MCCC2: variants seen among roughly 807,000 people sequenced by gnomAD.
MCCC2 encodes methylcrotonoyl-CoA carboxylase beta chain, mitochondrial.
MCCC2 carries 52 observed loss-of-function variants against 77.2 expected under a neutral mutation model. That is an observed-to-expected ratio of 0.67 (90% CI 0.54 to 0.85). The LOEUF is 0.85. Ranked by LOEUF, MCCC2 falls within the 40% of genes least tolerant of loss-of-function variation. MCCC2 has a pLI of 0.00. For synonymous variants in MCCC2, 253 were observed against 248.4 expected, an observed-to-expected ratio of 1.02 and a Z score of -0.18; for missense variants, 682 against 703.2, an observed-to-expected ratio of 0.97 and a Z score of 0.34.
intron 4 of MCCC2, among the ~76,000 whole-genome samples, chr5:71,601,276 TCTAA>T (rs979652102): frequency 4.3e-4 from 66 of 152,304 alleles, no homozygotes; most frequent in African/African-American, 1.5e-3. Context: ...AGAATTTCAG[TCTAA>T]CTTTGTCTGA....
In MCCC2 at chr5:71,658,695, A is replaced by G. The variant is rs1392310969; in HGVS notation, c.*1835A>G. 2.0e-5 allele frequency: 3 copies of G among 152,206 alleles called. No homozygotes were observed. The highest frequency in any genetic ancestry group is 2.9e-5 in the Non-Finnish European group (2 of 68,038). 9.4% of individuals were successfully genotyped at this position (152,206 alleles called of 1,614,324 possible). ...ATCAAATGTTTTCCTAATAAAGTCA[A>G]TATTTCAAACATTTGTGTGTGATAT... On this transcript the variant is annotated 3_prime_UTR_variant, in exon 17 of 17. Coordinates refer to ENST00000340941, the MANE Select transcript of MCCC2 (RefSeq NM_022132.5).
chr5:71,598,732 A>T (rs943670054), intron 3 of MCCC2, among the ~76,000 whole-genome samples: 2 of 150,286 alleles, frequency 1.3e-5, no homozygotes, highest in African/African-American at 4.9e-5. Context: ...CTGAGATTAC[A>T]GGCATGAGCC....
intron 6 of MCCC2, among the ~76,000 whole-genome samples, chr5:71,614,885 AG>A (rs1330776975): frequency 1.3e-5 from 2 of 152,248 alleles, no homozygotes; most frequent in African/African-American, 4.8e-5. Flanking sequence ...AAACAAAAAA[AG>A]AACACTAAAA....
rs375301124 is a variant in MCCC2 at position 71,630,928 on chromosome 5, A to C, written c.739-1193A>C. On this transcript the variant is annotated intron_variant, in intron 7 of 16. Coordinates refer to ENST00000340941, the MANE Select transcript of MCCC2 (RefSeq NM_022132.5). Reference sequence around the variant, plus strand: ...TTCTTCAAAGAAATAGGAATCAATAAATAATTCCTAAGGGGTTGGATTGGC... The same window carrying C: ...TTCTTCAAAGAAATAGGAATCAATACATAATTCCTAAGGGGTTGGATTGGC... Among the ~76,000 whole-genome samples, 270 of 152,286 alleles carry C rather than the reference A, an allele frequency of 1.8e-3. 1 individual carries two copies. Among genetic ancestry groups the C allele is most frequent in the African/African-American group, 6.3e-3 (260 of 41,562 alleles).
intron 6 of MCCC2, among the ~76,000 whole-genome samples, chr5:71,610,996 G>C (rs1745918294): frequency 6.6e-6 from 1 of 151,824 alleles, no homozygotes; most frequent in African/African-American, 2.4e-5. Flanking sequence ...AACAAACAAA[G>C]AACAGGTTTT....
At position 71,635,015 on chromosome 5, in the gene MCCC2, G is replaced by T; in HGVS notation, c.876G>T (p.Arg292Ser). 1 of 1,614,094 alleles carries T rather than the reference G, an allele frequency of 6.2e-7. No homozygotes were observed. Among genetic ancestry groups the T allele is most frequent in the Non-Finnish European group, 8.5e-7 (1 of 1,180,020 alleles). The change falls in exon 9 of 17, where the codon AGG becomes AGT. Residue 292 changes from arginine to serine, a missense_variant. By Grantham distance (110) the Arg-to-Ser change is moderately radical (BLOSUM62 -1). Coordinates refer to ENST00000340941, the MANE Select transcript of MCCC2 (RefSeq NM_022132.5). ...TTCACTTAACTAGGAAGGTTGTGAGGAATCTAAATTATCAGAAGAAATTGG... is the reference window on the plus strand; with the variant it reads ...TTCACTTAACTAGGAAGGTTGTGAGTAATCTAAATTATCAGAAGAAATTGG... Reference protein sequence around the residue: ...HALHLTRKVVRNLNYQKKLDV... With the variant: ...HALHLTRKVVSNLNYQKKLDV...
intron 8 of MCCC2, among the ~76,000 whole-genome samples, chr5:71,634,463 G>A (rs1304545711): frequency 1.3e-5 from 2 of 152,230 alleles, no homozygotes; most frequent in Non-Finnish European, 2.9e-5. Context: ...AGAAATGAGA[G>A]GCCAGAATTG....
chr5:71,590,655 A>G lies in MCCC2; in HGVS notation c.130-2271A>G, dbSNP rs577554536. The stretch of plus-strand genomic sequence containing the variant: ...AACATGGTGAAACCCTGTCTCCACT[A>G]AAAATAAAAAAATTACCTGGGCATG... On this transcript the variant is annotated intron_variant, in intron 1 of 16. Coordinates refer to ENST00000340941, the MANE Select transcript of MCCC2 (RefSeq NM_022132.5). Among the ~76,000 whole-genome samples, 5 of 151,914 alleles carry G rather than the reference A, an allele frequency of 3.3e-5. No homozygotes were observed. In the South Asian group the frequency reaches 1.0e-3, roughly 32 times the overall value.
intron 6 of MCCC2, among the ~76,000 whole-genome samples, chr5:71,622,488 A>T (rs111262498): frequency 6.6e-6 from 1 of 152,186 alleles, no homozygotes; most frequent in South Asian, 2.1e-4. Context: ...TGATGTGTAC[A>T]ATTCAATGGC....
intron 6 of MCCC2, among the ~76,000 whole-genome samples, chr5:71,613,290 G>T (rs1425979134): frequency 6.6e-6 from 1 of 152,168 alleles, no homozygotes; most frequent in East Asian, 1.9e-4. Flanking sequence ...CATCTAACAT[G>T]TTCTTTGCTG....
chr5:71,626,235 T>G (rs72759490), intron 6 of MCCC2, among the ~76,000 whole-genome samples: 186 of 152,332 alleles, frequency 1.2e-3, no homozygotes, highest in Admixed American at 3.8e-3. Context: ...AAGAGTTATT[T>G]TAGTATTCCT....
At chr5:71,609,464 T>C (rs1416364876) in intron 6 of MCCC2, among the ~76,000 whole-genome samples, 1 of 149,372 alleles carries the variant, frequency 6.7e-6, no homozygotes, top group South Asian at 2.2e-4. Flanking sequence ...TAGTTATACA[T>C]TCTTCTAAAT....
intron 15 of MCCC2, among the ~76,000 whole-genome samples, chr5:71,652,307 G>A (rs1561849110): frequency 6.6e-6 from 1 of 152,158 alleles, no homozygotes; most frequent in Non-Finnish European, 1.5e-5. Flanking sequence ...TTTTAAATGA[G>A]AATCTCATAC....
At chr5:71,652,198 A>G (rs1424205581) in intron 15 of MCCC2, among the ~76,000 whole-genome samples, 3 of 152,246 alleles carry the variant, frequency 2.0e-5, no homozygotes, top group Non-Finnish European at 4.4e-5. Context: ...AATATCTCTC[A>G]GTTCTCTGGG....
chr5:71,626,493 T>C, intron 6 of MCCC2, 147 bp from the exon 7 acceptor site: 1 of 672,348 alleles, frequency 1.5e-6, no homozygotes, highest in Non-Finnish European at 2.7e-6. Flanking sequence ...TTCAAACATT[T>C]AGAGGACTTT....
chr5:71,627,728 T>C (rs954594303), intron 7 of MCCC2, among the ~76,000 whole-genome samples: 5 of 152,240 alleles, frequency 3.3e-5, no homozygotes, highest in African/African-American at 1.2e-4. Flanking sequence ...ACACTTGTAA[T>C]TGTATGTTTG....
intron 6 of MCCC2, among the ~76,000 whole-genome samples, chr5:71,615,383 C>T (rs182638628): frequency 9.8e-5 from 15 of 152,316 alleles, no homozygotes; most frequent in Non-Finnish European, 8.8e-5. Context: ...TGCACAGCCT[C>T]TTGGTATCAT....
Position 71,641,086 on chromosome 5 carries a change from G to T in MCCC2, c.1072+11G>T. The T allele has an allele frequency of 1.9e-6, 3 of 1,609,992 alleles. No homozygotes were observed. Among genetic ancestry groups the T allele is most frequent in the Non-Finnish European group, 2.6e-6 (3 of 1,176,364 alleles). On this transcript the variant is annotated intron_variant, in intron 11 of 16. Coordinates refer to ENST00000340941, the MANE Select transcript of MCCC2 (RefSeq NM_022132.5). ...ACACATTAGTTACAGGTATAAAGGTGAAGAATTGAAAATACGAACATTTTC... is the reference window on the plus strand; with the variant it reads ...ACACATTAGTTACAGGTATAAAGGTTAAGAATTGAAAATACGAACATTTTC...
chr5:71,656,924 AT>A lies in MCCC2; in HGVS notation c.*68del. On this transcript the variant is annotated 3_prime_UTR_variant, in exon 17 of 17. Coordinates refer to ENST00000340941, the MANE Select transcript of MCCC2 (RefSeq NM_022132.5). ...AATTAACACATGTAGTAGCCTTAAA[AT>A]TTTAGACTTCTCGAACATGAGGCTG... is the stretch of plus-strand genomic sequence containing the variant. 1 of 1,248,422 alleles carries A rather than the reference AT, an allele frequency of 8.0e-7. No homozygotes were observed. The highest frequency in any genetic ancestry group is 1.2e-6 in the Non-Finnish European group (1 of 848,250). The allele number at this position is 1,248,422 out of a possible 1,614,324, so 77.3% of individuals were successfully genotyped here.
Sources: allele counts gnomAD v4.1 joint callset (sites outside exome capture counted in the v4.1 genomes callset), GRCh38; gene constraint gnomAD v4.1.1; transcripts MANE v1.5; gene names NCBI Gene and HGNC (gene_info 2026-07-23, HGNC 2026-07-21).